ZNF568: variants seen among roughly 807,000 people sequenced by gnomAD.
The protein encoded by ZNF568 is zinc finger protein 568.
In ZNF568, 11 loss-of-function variants were observed where a neutral mutation model predicts 18.1. The observed-to-expected ratio is 0.61, with a 90% CI of 0.38 to 1.00. The LOEUF (loss-of-function observed/expected upper bound fraction) is 1.00. ZNF568 is among the 50% of genes least tolerant of loss of function. The pLI, the probability that ZNF568 is intolerant of heterozygous loss-of-function variation, is 0.01. For synonymous variants in ZNF568, 213 were observed against 246.6 expected (o/e 0.86, Z 1.28); for missense variants, 639 against 768.2 (o/e 0.83, Z 1.99).
At chr19:36,992,782 G>T (rs1035375089) in intron 4 of ZNF568, among the ~76,000 whole-genome samples, 24 of 152,080 alleles carry the variant, frequency 1.6e-4, no homozygotes, top group African/African-American at 5.3e-4. Flanking sequence ...AAAATGAAAC[G>T]CCATACCCAT....
intron 3 of ZNF568, chr19:36,991,324 AC>A: frequency 6.6e-7 from 1 of 1,516,478 alleles, no homozygotes; most frequent in South Asian, 1.2e-5. Flanking sequence ...CCCTCCGTAC[AC>A]CCCCTGCCCC....
At chr19:36,964,986 TG>T (rs1253432624) in intron 6 of ZNF568, among the ~76,000 whole-genome samples, 1 of 152,142 alleles carries the variant, frequency 6.6e-6, no homozygotes, top group Non-Finnish European at 1.5e-5. Context: ...CACTAGTCTT[TG>T]GGGACAAGCA....
At chr19:36,926,126 T>C (rs1157322281) in intron 4 of ZNF568, among the ~76,000 whole-genome samples, 2 of 152,208 alleles carry the variant, frequency 1.3e-5, no homozygotes, top group East Asian at 3.8e-4. Context: ...ATTATACTAA[T>C]ATTCTATGGC....
chr19:36,981,455 ACT>A (rs1307303502), downstream of ZNF568, among the ~76,000 whole-genome samples: 98 of 152,142 alleles, frequency 6.4e-4, no homozygotes, highest in African/African-American at 2.2e-3. Flanking sequence ...CCTCTAAATA[ACT>A]CTGCTTACTT....
In ZNF568 at chr19:36,937,138, T is replaced by C. The variant is rs370602896; in HGVS notation, c.263-9T>C. The C allele has an allele frequency of 6.8e-6, 11 of 1,612,878 alleles. No homozygotes were observed. The African/African-American group carries it at 1.5e-4, about 22-fold the overall frequency. ...TGACATCCACATCCTTTGCTATTTCTTGTAATAGGCTGTCAAGTCACCAAA... is the reference window on the plus strand; with the variant it reads ...TGACATCCACATCCTTTGCTATTTCCTGTAATAGGCTGTCAAGTCACCAAA... On this transcript the variant is annotated splice_polypyrimidine_tract_variant and intron_variant, in intron 5 of 6. Coordinates refer to ENST00000333987, the MANE Select transcript of ZNF568 (RefSeq NM_198539.4).
intron 4 of ZNF568, among the ~76,000 whole-genome samples, chr19:36,992,881 T>G (rs2074438148): frequency 6.6e-6 from 1 of 152,224 alleles, no homozygotes; most frequent in South Asian, 2.1e-4. Context: ...TTTATATTAA[T>G]GATATCACAC....
chr19:36,966,529 A>G (rs766055735), intron 6 of ZNF568, among the ~76,000 whole-genome samples: 2 of 152,208 alleles, frequency 1.3e-5, no homozygotes, highest in African/African-American at 2.4e-5. Flanking sequence ...AAAGGGTTAG[A>G]CTAGGTCAGT....
downstream of ZNF568, chr19:36,980,268 C>G (rs2074320866): frequency 6.6e-6 from 1 of 150,834 alleles, no homozygotes; most frequent in Non-Finnish European, 1.5e-5. Flanking sequence ...TGTATGAAAT[C>G]TCTCCTCTCC....
Position 36,950,501 on chromosome 19 carries a change from G to T in ZNF568, c.1348G>T (p.Glu450Ter). Residue 450 changes from glutamate (E) to a stop codon, truncating the protein, a stop_gained, in exon 7 of 7, where the codon GAA becomes TAA. Coordinates refer to ENST00000333987, the MANE Select transcript of ZNF568 (RefSeq NM_198539.4). LOFTEE classifies it low-confidence loss of function (END_TRUNC). ...AGCTGAGAAACCCTATGAATGTAAG[G>T]AATGTGGAAAAGCCTTCAGCAGGAA... ...HTAEKPYECKECGKAFSRKEN... is the reference protein window; with the variant it reads ...HTAEKPYECK The T allele has an allele frequency of 6.2e-7, 1 of 1,613,730 alleles. No homozygotes were observed. Among genetic ancestry groups the T allele is most frequent in the Non-Finnish European group, 8.5e-7 (1 of 1,179,914 alleles).
At chr19:36,967,950 A>G (rs997019700) in intron 6 of ZNF568, among the ~76,000 whole-genome samples, 6 of 152,224 alleles carry the variant, frequency 3.9e-5, no homozygotes, top group Non-Finnish European at 5.9e-5. Flanking sequence ...CAACAACATG[A>G]AAATGCATAT....
intron 7 of ZNF568, chr19:36,978,982 C>CTT (rs750326116): frequency 0.034 from 8,927 of 260,212 alleles, 78 homozygotes; most frequent in Non-Finnish European, 0.042. Flanking sequence ...TTGTAACTAT[C>CTT]TTTTTTTTTT....
intron 2 of ZNF568, chr19:36,991,131 T>G: frequency 6.6e-7 from 1 of 1,506,728 alleles, no homozygotes; most frequent in Non-Finnish European, 8.8e-7. Context: ...TCTTAAAGAT[T>G]TTGTCCATGA....
chr19:36,965,984 G>A (rs1202817577), intron 6 of ZNF568, among the ~76,000 whole-genome samples: 1 of 151,776 alleles, frequency 6.6e-6, no homozygotes, highest in African/African-American at 2.4e-5. Flanking sequence ...ACAGGCGTGA[G>A]CCATAGCACC....
At chr19:36,943,331 G>A (rs1223041859) in intron 6 of ZNF568, among the ~76,000 whole-genome samples, 2 of 29,866 alleles carry the variant, frequency 6.7e-5, no homozygotes, top group East Asian at 6.7e-4. Flanking sequence ...TTATTTTATT[G>A]AGCGTCTTTC....
intron 4 of ZNF568, 50 bp from the exon 5 acceptor site, chr19:36,936,696 C>A: frequency 1.3e-6 from 2 of 1,576,178 alleles, no homozygotes; most frequent in Non-Finnish European, 1.7e-6. Context: ...GTTGTGATCA[C>A]AATGCCTAAT....
At chr19:36,937,285 G>A (rs766821438) in intron 6 of ZNF568, 43 bp downstream of exon 6, 2 of 1,535,742 alleles carry the variant, frequency 1.3e-6, no homozygotes, top group South Asian at 1.1e-5. Context: ...AGCCACATGA[G>A]AGTTGTTCAG....
At chr19:36,984,757 G>A (rs1230031578), downstream of ZNF568, among the ~76,000 whole-genome samples, 9 of 151,130 alleles carry the variant, frequency 6.0e-5, no homozygotes, top group African/African-American at 1.7e-4. Flanking sequence ...GGGATATTCC[G>A]CTGTCTTCTG....
chr19:36,927,844 ATGTG>A (rs367925001), intron 4 of ZNF568, among the ~76,000 whole-genome samples: 5,293 of 82,922 alleles, frequency 0.064, 401 homozygotes, highest in African/African-American at 0.12. Flanking sequence ...ATAAAGATAT[ATGTG>A]TGTGTGTGTG....
downstream of ZNF568, among the ~76,000 whole-genome samples, chr19:36,984,189 G>A (rs560790733): frequency 3.9e-5 from 6 of 152,148 alleles, no homozygotes; most frequent in Admixed American, 1.3e-4. Context: ...ATGAGCCACC[G>A]CACCTGGCGA....
Sources: allele counts gnomAD v4.1 joint callset (sites outside exome capture counted in the v4.1 genomes callset), GRCh38; gene constraint gnomAD v4.1.1; transcripts MANE v1.5; gene names NCBI Gene and HGNC (gene_info 2026-07-23, HGNC 2026-07-21).